CDH13: variants seen among roughly 807,000 people sequenced by gnomAD.
CDH13 encodes cadherin 13.
Under a neutral mutation model 63.8 loss-of-function variants are expected in CDH13, and 24 were observed. The observed-to-expected ratio is 0.38, with a 90% CI of 0.27 to 0.53. The LOEUF (loss-of-function observed/expected upper bound fraction) is 0.53. Ranked by LOEUF, CDH13 falls within the 20% of genes least tolerant of loss-of-function variation. The pLI, the probability that CDH13 is intolerant of heterozygous loss-of-function variation, is 0.85. For synonymous variants in CDH13, 503 were observed against 355.3 expected (o/e 1.42, Z -4.67); for missense variants, 1,049 against 903.1 (o/e 1.16, Z -2.07).
chr16:83,607,289 A>G (rs1908434591), intron 8 of CDH13, among the ~76,000 whole-genome samples: 1 of 152,012 alleles, frequency 6.6e-6, no homozygotes, highest in Non-Finnish European at 1.5e-5. Flanking sequence ...GCATGGTGGC[A>G]CATGCCTGTA....
At chr16:82,725,147 T>G (rs1049897045) in intron 1 of CDH13, among the ~76,000 whole-genome samples, 3 of 152,166 alleles carry the variant, frequency 2.0e-5, no homozygotes, top group African/African-American at 7.2e-5. Context: ...GTGATGGTGA[T>G]GATGACAGTT....
At chr16:83,314,425 A>G (rs577853633) in intron 5 of CDH13, among the ~76,000 whole-genome samples, 16 of 152,360 alleles carry the variant, frequency 1.1e-4, no homozygotes, top group African/African-American at 3.6e-4. Flanking sequence ...TAAAATGGCT[A>G]GAATAATATG....
chr16:82,834,346 G>T (rs2038673551), intron 1 of CDH13, among the ~76,000 whole-genome samples: 1 of 152,142 alleles, frequency 6.6e-6, no homozygotes, highest in Non-Finnish European at 1.5e-5. Context: ...CCACGAGGAG[G>T]CCCCTAAACA....
chr16:83,472,617 C>G (rs1477411041), intron 6 of CDH13, among the ~76,000 whole-genome samples: 1 of 152,106 alleles, frequency 6.6e-6, no homozygotes, highest in Admixed American at 6.5e-5. Flanking sequence ...GGAGCAGGTG[C>G]CTTTGGTCTC....
intron 2 of CDH13, among the ~76,000 whole-genome samples, chr16:82,939,509 G>A (rs2042768749): frequency 6.6e-6 from 1 of 152,084 alleles, no homozygotes; most frequent in Admixed American, 6.6e-5. Context: ...GAGGCCTGTT[G>A]ACAGAACAAT....
At position 82,639,437 on chromosome 16, in the gene CDH13, G is replaced by A. The variant is rs376170874; in HGVS notation, c.45+12300G>A. 1.5e-4 allele frequency: 235 copies of A among 1,535,350 alleles called. 2 individuals are homozygous for A. Among genetic ancestry groups the A allele is most frequent in the Middle Eastern group, 1.2e-3 (7 of 5,990 alleles). On this transcript the variant is annotated intron_variant, in intron 1 of 13. Coordinates refer to ENST00000567109, the MANE Select transcript of CDH13 (RefSeq NM_001257.5). Reference sequence around the variant, plus strand: ...GAGAATGGCCCACAGATGCCTGGGCGTGACCCACCTGCAGCTTCAACCATG... The same window carrying A: ...GAGAATGGCCCACAGATGCCTGGGCATGACCCACCTGCAGCTTCAACCATG...
intron 4 of CDH13, among the ~76,000 whole-genome samples, chr16:83,143,776 C>T (rs546660698): frequency 6.6e-5 from 10 of 152,184 alleles, no homozygotes; most frequent in African/African-American, 2.4e-4. Flanking sequence ...CCCTCGTCTC[C>T]TCCTTCGTTT....
intron 1 of CDH13, among the ~76,000 whole-genome samples, chr16:82,733,067 G>T (rs889015625): frequency 6.6e-6 from 1 of 152,218 alleles, no homozygotes; most frequent in African/African-American, 2.4e-5. Flanking sequence ...TCTGCAATGT[G>T]TGGGTAATTG....
intron 10 of CDH13, among the ~76,000 whole-genome samples, chr16:83,696,382 G>C (rs1905407600): frequency 6.6e-6 from 1 of 152,062 alleles, no homozygotes; most frequent in Admixed American, 6.5e-5. Context: ...ATTCATTCAT[G>C]TTCTTTGTGT....
intron 2 of CDH13, among the ~76,000 whole-genome samples, chr16:82,877,924 GACACACACACACAC>G (rs1213536997): frequency 1.5e-5 from 2 of 129,288 alleles, no homozygotes; most frequent in African/African-American, 2.8e-5. Flanking sequence ...CATACACATA[GACACACACACACAC>G]ACACACACAC....
chr16:83,787,521 T>A (rs182720045), intron 13 of CDH13, among the ~76,000 whole-genome samples: 1 of 152,330 alleles, frequency 6.6e-6, no homozygotes, highest in Admixed American at 6.5e-5. Context: ...CACATTCGAA[T>A]CATTTACTAT....
intron 7 of CDH13, among the ~76,000 whole-genome samples, chr16:83,500,093 G>A (rs1210540773): frequency 4.0e-5 from 6 of 151,708 alleles, no homozygotes; most frequent in Admixed American, 1.3e-4. Flanking sequence ...GTGAGCCACT[G>A]CACCCGGCCC....
At chr16:83,655,219 G>A (rs1912762960) in intron 8 of CDH13, 1 of 152,204 alleles carries the variant, frequency 6.6e-6, no homozygotes, top group African/African-American at 2.4e-5. Flanking sequence ...TTCCAGCCTG[G>A]CCTTTGGATA....
At chr16:82,994,510 C>A (rs528611542) in intron 2 of CDH13, among the ~76,000 whole-genome samples, 24 of 152,330 alleles carry the variant, frequency 1.6e-4, no homozygotes, top group African/African-American at 5.8e-4. Flanking sequence ...AATCTCCCAA[C>A]CTTTACTCAG....
intron 1 of CDH13, among the ~76,000 whole-genome samples, chr16:82,767,810 G>A (rs1003931537): frequency 6.6e-6 from 1 of 152,132 alleles, no homozygotes; most frequent in African/African-American, 2.4e-5. Context: ...ATCAGCTCCT[G>A]GTCATAAACT....
At chr16:83,773,156 G>A (rs1192544936) in intron 11 of CDH13, among the ~76,000 whole-genome samples, 2 of 152,130 alleles carry the variant, frequency 1.3e-5, no homozygotes, top group African/African-American at 4.8e-5. Context: ...AGAGATGTCA[G>A]GTCCTTGAGA....
At chr16:83,776,708 C>T (rs1260504829) in intron 11 of CDH13, among the ~76,000 whole-genome samples, 1 of 152,174 alleles carries the variant, frequency 6.6e-6, no homozygotes, top group East Asian at 1.9e-4. Flanking sequence ...AATCCGGTTA[C>T]TTCTCTTCAC....
At chr16:83,466,141 G>A (rs550177193) in intron 6 of CDH13, among the ~76,000 whole-genome samples, 12 of 152,282 alleles carry the variant, frequency 7.9e-5, no homozygotes, top group South Asian at 2.1e-4. Context: ...CCCATCACCC[G>A]TCCTAGCTGG....
At chr16:83,193,936 A>G (rs2038800141) in intron 4 of CDH13, among the ~76,000 whole-genome samples, 1 of 152,208 alleles carries the variant, frequency 6.6e-6, no homozygotes, top group Non-Finnish European at 1.5e-5. Context: ...CAGACACTTA[A>G]CTAATGTCAA....
Sources: allele counts gnomAD v4.1 joint callset (sites outside exome capture counted in the v4.1 genomes callset), GRCh38; gene constraint gnomAD v4.1.1; transcripts MANE v1.5; gene names NCBI Gene and HGNC (gene_info 2026-07-23, HGNC 2026-07-21).